WWOX: variants seen among roughly 807,000 people sequenced by gnomAD.
WWOX encodes WW domain containing oxidoreductase.
WWOX carries 69 observed loss-of-function variants against 46.2 expected under a neutral mutation model. That is an observed-to-expected ratio of 1.49 (90% CI 1.23 to 1.82). The LOEUF (loss-of-function observed/expected upper bound fraction) is 1.82. Ranked by LOEUF, WWOX falls within the 40% of genes most tolerant of loss-of-function variation. The pLI is 0.00. For missense variants in WWOX, 919 were observed against 542.6 expected, an observed-to-expected ratio of 1.69 and a Z score of -6.89; for synonymous variants, 359 against 202.6, an observed-to-expected ratio of 1.77 and a Z score of -6.56.
intron 8 of WWOX, among the ~76,000 whole-genome samples, chr16:78,860,332 C>T (rs2052686320): frequency 6.6e-6 from 1 of 152,132 alleles, no homozygotes. Flanking sequence ...TTGAAGAATT[C>T]CCACACTTGG....
At chr16:78,192,013 C>T (rs1436338576) in intron 5 of WWOX, among the ~76,000 whole-genome samples, 2 of 152,042 alleles carry the variant, frequency 1.3e-5, no homozygotes, top group Non-Finnish European at 2.9e-5. Flanking sequence ...CATTTATTTT[C>T]TAGGCAAGTT....
At chr16:78,193,428 AG>A (rs2035942758) in intron 5 of WWOX, among the ~76,000 whole-genome samples, 1 of 139,272 alleles carries the variant, frequency 7.2e-6, no homozygotes, top group Non-Finnish European at 1.6e-5. Context: ...AAGAAAAGAA[AG>A]GCACATCTGA....
At chr16:78,503,817 C>A (rs1317947590) in intron 8 of WWOX, 1 of 152,120 alleles carries the variant, frequency 6.6e-6, no homozygotes, top group African/African-American at 2.4e-5. Context: ...GAACAGATGT[C>A]GACTCTTTTT....
chr16:78,879,564 G>A (rs2656619), intron 8 of WWOX, among the ~76,000 whole-genome samples: 43,267 of 151,908 alleles, frequency 0.28, 6,392 homozygotes, highest in Middle Eastern at 0.42. Flanking sequence ...CCATCCAAGA[G>A]GCAACATTGT....
chr16:78,585,973 G>T (rs995921282), intron 8 of WWOX, among the ~76,000 whole-genome samples: 2 of 151,988 alleles, frequency 1.3e-5, no homozygotes, highest in Admixed American at 6.6e-5. Flanking sequence ...GAGACTCGGG[G>T]ATCCCTTGAG....
At chr16:79,015,531 C>T (rs1011421094) in intron 8 of WWOX, among the ~76,000 whole-genome samples, 1 of 152,114 alleles carries the variant, frequency 6.6e-6, no homozygotes, top group African/African-American at 2.4e-5. Flanking sequence ...GAAGTCACTT[C>T]CTGGAGGGAA....
chr16:78,261,648 C>G (rs1241619904), intron 5 of WWOX, among the ~76,000 whole-genome samples: 3 of 149,718 alleles, frequency 2.0e-5, no homozygotes, highest in Non-Finnish European at 3.0e-5. Flanking sequence ...ATCAGGGAGA[C>G]TATGGAAGAA....
intron 8 of WWOX, among the ~76,000 whole-genome samples, chr16:79,022,538 C>A (rs928333779): frequency 1.3e-5 from 2 of 152,098 alleles, no homozygotes; most frequent in Non-Finnish European, 2.9e-5. Context: ...GATGATTGCT[C>A]ATTCTCTTTC....
chr16:78,858,254 T>C (rs1435768717), intron 8 of WWOX, among the ~76,000 whole-genome samples: 2 of 150,912 alleles, frequency 1.3e-5, no homozygotes, highest in Admixed American at 6.6e-5. Flanking sequence ...AGAAGTTCTT[T>C]AGTGGCGATT....
intron 8 of WWOX, among the ~76,000 whole-genome samples, chr16:79,051,261 C>G (rs1251136479): frequency 1.3e-5 from 2 of 152,170 alleles, no homozygotes; most frequent in African/African-American, 2.4e-5. Context: ...GAAGTGGACT[C>G]ACCAATAATT....
rs113608955 is a variant in WWOX, at chr16:78,407,415, C to A, written c.606-17455C>A. Among the ~76,000 whole-genome samples, 327 of 152,266 alleles carry A rather than the reference C, an allele frequency of 2.1e-3. 2 individuals are homozygous for A. Among genetic ancestry groups the A allele is most frequent in the African/African-American group, 7.7e-3 (320 of 41,552 alleles). On this transcript the variant is annotated intron_variant, in intron 6 of 8. Coordinates refer to ENST00000566780, the MANE Select transcript of WWOX (RefSeq NM_016373.4). ...TCCTTTGCTGTGTCTGAAATTGAAT[C>A]CCCCAAAGCCACAATTATCTTAACA...
rs71272440 is a variant in WWOX at position 78,567,552 on chromosome 16, CAAAAAAA to C, written c.1056+134817_1056+134823del. On this transcript the variant is annotated intron_variant, in intron 8 of 8. Transcript: ENST00000566780. Reference sequence around the variant, plus strand: ...TGGGCGACAGAAGGAGACTCCGTCTCAAAAAAAAAAAAAAAAAAAAAAAGAAGTGAGT... The same window carrying C: ...TGGGCGACAGAAGGAGACTCCGTCTCAAAAAAAAAAAAAAAAGAAGTGAGT... Among the ~76,000 whole-genome samples the C allele has an allele frequency of 2.9e-4, 15 of 52,132 alleles. 1 individual carries two copies. Among genetic ancestry groups the C allele is most frequent in the Non-Finnish European group, 3.8e-4 (11 of 28,984 alleles). The allele number at this position is 52,132 out of a possible 152,430, so 34.2% of individuals were successfully genotyped here.
chr16:78,770,141 A>T (rs2050028864), intron 8 of WWOX, among the ~76,000 whole-genome samples: 1 of 152,134 alleles, frequency 6.6e-6, no homozygotes, highest in South Asian at 2.1e-4. Flanking sequence ...CACTGAGGTC[A>T]GGAGTTCGAG....
At chr16:78,847,717 A>G (rs2052337624) in intron 8 of WWOX, among the ~76,000 whole-genome samples, 2 of 152,156 alleles carry the variant, frequency 1.3e-5, no homozygotes, top group African/African-American at 2.4e-5. Context: ...AATAATAACA[A>G]CTAAAGGCTA....
At chr16:78,495,549 C>G (rs1366908820) in intron 8 of WWOX, among the ~76,000 whole-genome samples, 2 of 147,378 alleles carry the variant, frequency 1.4e-5, no homozygotes, top group African/African-American at 2.5e-5. Context: ...CACTTTGTCA[C>G]CTAGGCTGGA....
At chr16:78,758,795 T>G (rs1443791500) in intron 8 of WWOX, among the ~76,000 whole-genome samples, 1 of 152,094 alleles carries the variant, frequency 6.6e-6, no homozygotes, top group East Asian at 1.9e-4. Flanking sequence ...TACAAGACAT[T>G]AGCATTTGCT....
intron 8 of WWOX, among the ~76,000 whole-genome samples, chr16:79,135,648 G>T (rs572161895): frequency 6.6e-6 from 1 of 152,036 alleles, no homozygotes; most frequent in Non-Finnish European, 1.5e-5. Flanking sequence ...AGATATTTCA[G>T]TATTGACCTC....
chr16:78,893,464 C>T (rs2044635061), intron 8 of WWOX, among the ~76,000 whole-genome samples: 1 of 152,114 alleles, frequency 6.6e-6, no homozygotes, highest in African/African-American at 2.4e-5. Context: ...ACTTAGGAAA[C>T]CATCTCCAGG....
chr16:79,001,475 T>C (rs902193552), intron 8 of WWOX, among the ~76,000 whole-genome samples: 2 of 152,154 alleles, frequency 1.3e-5, no homozygotes, highest in African/African-American at 2.4e-5. Context: ...GCAGCTTCTG[T>C]TTAAGGCAAT....
Sources: gnomAD v4.1 joint callset for allele counts (sites outside exome capture counted in the v4.1 genomes callset) on GRCh38, gnomAD v4.1.1 for gene constraint, MANE v1.5 for transcripts, NCBI Gene and HGNC (gene_info 2026-07-23, HGNC 2026-07-21) for gene names.